Variants in SEMA5A observed in about 807,000 individuals in gnomAD.
The protein encoded by SEMA5A is semaphorin-5A.
A neutral mutation model predicts 135.5 loss-of-function variants in SEMA5A; 55 were observed. That is an observed-to-expected ratio of 0.41 (90% confidence interval 0.33 to 0.51). SEMA5A has a LOEUF of 0.51. Ranked by LOEUF, SEMA5A falls within the 20% of genes least tolerant of loss-of-function variation. The pLI is 0.37. For synonymous variants in SEMA5A, 580 were observed against 546.5 expected (o/e 1.06, Z -0.85); for missense variants, 1,290 against 1,419.9 (o/e 0.91, Z 1.47).
chr5:9,444,481 G>A (rs950928649), intron 1 of SEMA5A, among the ~76,000 whole-genome samples: 2 of 152,126 alleles, frequency 1.3e-5, no homozygotes, highest in African/African-American at 4.8e-5. Context: ...TAGAATAATA[G>A]ACTCTAATCT....
At chr5:9,123,470 GAGA>G (rs1740941909) in intron 13 of SEMA5A, among the ~76,000 whole-genome samples, 1 of 151,442 alleles carries the variant, frequency 6.6e-6, no homozygotes, top group African/African-American at 2.4e-5. Flanking sequence ...GAAGAAAAAG[GAGA>G]AGGAGAAGAA....
chr5:9,162,534 A>G (rs796870236), intron 11 of SEMA5A, among the ~76,000 whole-genome samples: 9 of 61,140 alleles, frequency 1.5e-4, no homozygotes, highest in Non-Finnish European at 4.8e-4. Context: ...GTGTATATAT[A>G]TGTATGTGTG....
chr5:9,224,933 C>T lies in SEMA5A; in HGVS notation c.433-46G>A, dbSNP rs1275756492. The T allele has an allele frequency of 2.6e-6, 4 of 1,537,490 alleles. No individual in the cohort carries two copies. The East Asian group carries it at 9.1e-5, about 35-fold the overall frequency. On this transcript the variant is annotated intron_variant, in intron 7 of 22. Coordinates refer to ENST00000382496, the MANE Select transcript of SEMA5A (RefSeq NM_003966.3). ...GAAAGCAGTTATCTCTGCACAAGCC[C>T]CTTTAGTGATGCTTATGGTCACACC... is the stretch of plus-strand genomic sequence containing the variant.
chr5:9,386,385 T>C (rs1371853333), intron 2 of SEMA5A, among the ~76,000 whole-genome samples: 3 of 152,136 alleles, frequency 2.0e-5, no homozygotes, highest in African/African-American at 4.8e-5. Flanking sequence ...CAAAAAAAAA[T>C]CATGCTTTTA....
At chr5:9,056,972 C>T (rs552485377) in intron 18 of SEMA5A, among the ~76,000 whole-genome samples, 1 of 152,298 alleles carries the variant, frequency 6.6e-6, no homozygotes, top group African/African-American at 2.4e-5. Flanking sequence ...CCACATGCAA[C>T]AACATGGATG....
chr5:9,247,253 G>A (rs1748529606), intron 5 of SEMA5A, among the ~76,000 whole-genome samples: 1 of 152,144 alleles, frequency 6.6e-6, no homozygotes. Context: ...TGCTTAAAAT[G>A]TAAAGCCACC....
At chr5:9,043,612 T>C (rs1440886315) in intron 22 of SEMA5A, among the ~76,000 whole-genome samples, 1 of 152,122 alleles carries the variant, frequency 6.6e-6, no homozygotes, top group Non-Finnish European at 1.5e-5. Context: ...ACATATATAT[T>C]GAGAGGATTA....
chr5:9,403,869 G>A (rs1756769129), intron 2 of SEMA5A, among the ~76,000 whole-genome samples: 2 of 152,294 alleles, frequency 1.3e-5, no homozygotes, highest in East Asian at 1.9e-4. Flanking sequence ...TGGATATAGA[G>A]TGTTTACATC....
At chr5:9,057,918 T>C (rs896836896) in intron 18 of SEMA5A, among the ~76,000 whole-genome samples, 2 of 152,220 alleles carry the variant, frequency 1.3e-5, no homozygotes, top group African/African-American at 4.8e-5. Context: ...GTACTAACAA[T>C]TCATATTAGA....
intron 4 of SEMA5A, among the ~76,000 whole-genome samples, chr5:9,335,970 T>C (rs1349577279): frequency 6.6e-6 from 1 of 151,832 alleles, no homozygotes; most frequent in Non-Finnish European, 1.5e-5. Flanking sequence ...CAAGAAATAA[T>C]GCAATATTGT....
chr5:9,112,535 G>A (rs1205533279), intron 15 of SEMA5A, among the ~76,000 whole-genome samples: 1 of 152,186 alleles, frequency 6.6e-6, no homozygotes, highest in South Asian at 2.1e-4. Flanking sequence ...CGTACATTAA[G>A]TCTACCATAA....
intron 5 of SEMA5A, among the ~76,000 whole-genome samples, chr5:9,283,421 A>G (rs963167627): frequency 3.3e-5 from 5 of 152,098 alleles, no homozygotes; most frequent in African/African-American, 1.2e-4. Context: ...TCTCCACAAC[A>G]TGGAATTTTG....
chr5:9,165,390 A>C (rs567408818), intron 11 of SEMA5A, among the ~76,000 whole-genome samples: 6 of 152,224 alleles, frequency 3.9e-5, no homozygotes, highest in Non-Finnish European at 8.8e-5. Context: ...TATTATCTGG[A>C]TTCCATTCTC....
intron 15 of SEMA5A, among the ~76,000 whole-genome samples, chr5:9,109,862 G>T (rs1740146058): frequency 6.6e-6 from 1 of 152,150 alleles, no homozygotes; most frequent in Non-Finnish European, 1.5e-5. Context: ...ACTGAAAATA[G>T]GGGCAAATGG....
chr5:9,092,752 CAA>C (rs1297262718), intron 16 of SEMA5A, among the ~76,000 whole-genome samples: 1 of 151,988 alleles, frequency 6.6e-6, no homozygotes, highest in East Asian at 1.9e-4. Flanking sequence ...AGAATGAACC[CAA>C]GAGTAGATAA....
intron 1 of SEMA5A, among the ~76,000 whole-genome samples, chr5:9,506,067 T>C (rs1027312990): frequency 7.9e-5 from 12 of 152,012 alleles, no homozygotes; most frequent in Non-Finnish European, 1.0e-4. Context: ...ACCAGAATAA[T>C]TTACATTATT....
At chr5:9,475,280 C>A (rs974519508) in intron 1 of SEMA5A, among the ~76,000 whole-genome samples, 10 of 152,214 alleles carry the variant, frequency 6.6e-5, no homozygotes, top group African/African-American at 2.4e-4. Context: ...TTGTGGTCCA[C>A]CGTGTCAAAA....
intron 5 of SEMA5A, among the ~76,000 whole-genome samples, chr5:9,310,036 A>C (rs1178838558): frequency 7.8e-6 from 1 of 128,842 alleles, no homozygotes; most frequent in Admixed American, 8.1e-5. Flanking sequence ...ACATTGATAA[A>C]CTAAAAAAAA....
intron 1 of SEMA5A, among the ~76,000 whole-genome samples, chr5:9,527,373 T>C (rs406583): frequency 0.34 from 51,941 of 152,076 alleles, 9,066 homozygotes; most frequent in East Asian, 0.41. Context: ...ATGCCCAGCA[T>C]ACTTCTCTTT....
Sources: allele counts gnomAD v4.1 joint callset (sites outside exome capture counted in the v4.1 genomes callset), GRCh38; gene constraint gnomAD v4.1.1; transcripts MANE v1.5; gene names NCBI Gene and HGNC (gene_info 2026-07-23, HGNC 2026-07-21).